Variants in TTBK2 observed in about 807,000 individuals in gnomAD.
The protein encoded by TTBK2 is tau tubulin kinase 2, also known as tau-tubulin kinase 2.
A neutral mutation model predicts 110.8 loss-of-function variants in TTBK2; 28 were observed. The ratio of observed to expected loss-of-function variants is 0.25; its 90% confidence interval spans 0.19 to 0.35. The LOEUF (loss-of-function observed/expected upper bound fraction) is 0.35, where lower values mean the gene tolerates loss of function less well. Among genes scored for constraint, TTBK2 ranks in the 10% least tolerant of loss-of-function variants. The pLI is 1.00. For missense variants in TTBK2, 1,369 were observed against 1,500.3 expected (o/e 0.91, Z 1.45); for synonymous variants, 532 against 527.3 (o/e 1.01, Z -0.12).
intron 9 of TTBK2, among the ~76,000 whole-genome samples, chr15:42,800,748 A>G: frequency 6.7e-6 from 1 of 149,132 alleles, no homozygotes; most frequent in African/African-American, 2.5e-5. Context: ...GAGCTAGCCG[A>G]GGTTTATTTT....
chr15:42,822,922 A>C (rs1892365741), intron 6 of TTBK2, among the ~76,000 whole-genome samples: 6 of 152,244 alleles, frequency 3.9e-5, no homozygotes, highest in Admixed American at 3.9e-4. Context: ...AACTCCTAGG[A>C]GAATAAATCA....
intron 7 of TTBK2, among the ~76,000 whole-genome samples, chr15:42,815,092 T>C (rs1891884531): frequency 6.6e-6 from 1 of 152,214 alleles, no homozygotes; most frequent in African/African-American, 2.4e-5. Flanking sequence ...AATGTTGACA[T>C]AATTCTTTAA....
Position 42,775,547 on chromosome 15 carries a change from C to A in TTBK2, c.1586G>T (p.Gly529Val), listed in dbSNP as rs1378811467. The change falls in exon 13 of 15, where the codon GGT becomes GTT. Residue 529 changes from glycine (G) to valine (V), a missense_variant. By Grantham distance (109) the Gly-to-Val change is moderately radical. This residue lies in a region of TTBK2 where 1,097 missense variants were observed against 1,114.7 expected (regional missense o/e 0.98). Coordinates refer to ENST00000267890, the MANE Select transcript of TTBK2 (RefSeq NM_173500.4). ...AGCTATAAATCCATTGCTGCCACCA[C>A]CATCTGCCTGCTCAGGGGTGTTGGC... Reference protein sequence around the residue: ...ASANTPEQADGGGSNGFIAVN... With the variant: ...ASANTPEQADVGGSNGFIAVN... 4.3e-6 allele frequency: 7 copies of A among 1,614,076 alleles called. No individual in the cohort carries two copies. Among genetic ancestry groups the A allele is most frequent in the Non-Finnish European group, 5.9e-6 (7 of 1,180,046 alleles).
At chr15:42,907,010 C>A (rs1476753163) in intron 1 of TTBK2, among the ~76,000 whole-genome samples, 1 of 151,290 alleles carries the variant, frequency 6.6e-6, no homozygotes, top group Non-Finnish European at 1.5e-5. Flanking sequence ...CACAATGAGA[C>A]CCTGTCTCAT....
In TTBK2 at chr15:42,867,083, A is replaced by G. The variant is rs1021986056; in HGVS notation, c.217+5528T>C. ...CACGGTGAAACCCCGTCTCTACTAA[A>G]AATACAAAAAATTAGCCGGGCATGG... is the stretch of plus-strand genomic sequence containing the variant. On this transcript the variant is annotated intron_variant, in intron 3 of 14. Coordinates refer to ENST00000267890, the MANE Select transcript of TTBK2 (RefSeq NM_173500.4). Among the ~76,000 whole-genome samples, 5 of 152,052 alleles carry G rather than the reference A, an allele frequency of 3.3e-5. No homozygotes were observed. In the South Asian group the frequency reaches 1.0e-3, roughly 31 times the overall value.
intron 9 of TTBK2, among the ~76,000 whole-genome samples, chr15:42,805,428 G>T (rs1375523849): frequency 6.6e-6 from 1 of 152,140 alleles, no homozygotes; most frequent in African/African-American, 2.4e-5. Context: ...TCTGAGTTGG[G>T]CTTTCAATTT....
chr15:42,777,202 C>G lies in TTBK2; in HGVS notation c.1238G>C (p.Gly413Ala). ...CCCAAGGCTTGGAGCATTGAGAAGACCATTTGCCTGGCCATGGCTGTTCTC... is the reference window on the plus strand; with the variant it reads ...CCCAAGGCTTGGAGCATTGAGAAGAGCATTTGCCTGGCCATGGCTGTTCTC... ...EEENSHGQANGLLNAPSLGSP... is the reference protein window; with the variant it reads ...EEENSHGQANALLNAPSLGSP... The change falls in exon 12 of 15, where the codon GGT (glycine) becomes GCT (alanine). Residue 413 changes from glycine (G) to alanine (A), a missense_variant. By Grantham distance (60) the Gly-to-Ala change is moderately conservative (BLOSUM62 0). Coordinates refer to ENST00000267890, the MANE Select transcript of TTBK2 (RefSeq NM_173500.4). The G allele has an allele frequency of 6.2e-7, 1 of 1,614,166 alleles. No individual in the cohort carries two copies. The highest frequency in any genetic ancestry group is 8.5e-7 in the Non-Finnish European group (1 of 1,180,038).
chr15:42,861,596 G>T (rs566808468), intron 3 of TTBK2, among the ~76,000 whole-genome samples: 1 of 151,980 alleles, frequency 6.6e-6, no homozygotes, highest in African/African-American at 2.4e-5. Flanking sequence ...TTAAAGCAAT[G>T]TTAAGAGGAA....
In TTBK2 at chr15:42,871,470, T is replaced by C. The variant is rs565078267; in HGVS notation, c.217+1141A>G. The C allele has an allele frequency of 5.1e-5, 50 of 985,150 alleles. No individual in the cohort carries two copies. In the African/African-American group the frequency reaches 7.2e-4, roughly 14 times the overall value. 61.0% of individuals were successfully genotyped at this position (985,150 alleles called of 1,614,324 possible). A position where few individuals can be genotyped will look rare whatever the true frequency, so the allele number is the denominator to read the frequency against. ...CTGGAAGCATCTCCTTGGAGCCAAGTAGGAGAAAGGTGAAGTGGCACTATC... is the reference window on the plus strand; with the variant it reads ...CTGGAAGCATCTCCTTGGAGCCAAGCAGGAGAAAGGTGAAGTGGCACTATC... On this transcript the variant is annotated intron_variant, in intron 3 of 14. Transcript: ENST00000267890.
At chr15:42,919,383 T>C (rs1184133593) in intron 1 of TTBK2, among the ~76,000 whole-genome samples, 4 of 152,236 alleles carry the variant, frequency 2.6e-5, no homozygotes, top group Admixed American at 2.6e-4. Context: ...CTTTATTCTA[T>C]TCCATTTAGC....
chr15:42,883,095 T>C (rs1167726368), intron 1 of TTBK2, among the ~76,000 whole-genome samples: 2 of 151,652 alleles, frequency 1.3e-5, no homozygotes, highest in African/African-American at 4.8e-5. Context: ...AAAAAAAAGG[T>C]AGAGGGCTGG....
intron 10 of TTBK2, 52 bp downstream of exon 10, chr15:42,794,592 A>G (rs1890849401): frequency 1.2e-6 from 2 of 1,613,808 alleles, no homozygotes; most frequent in Non-Finnish European, 1.7e-6. Flanking sequence ...AAATTTTTGC[A>G]AATATAATAC....
intron 1 of TTBK2, among the ~76,000 whole-genome samples, chr15:42,900,987 T>C (rs972009334): frequency 2.6e-5 from 4 of 152,136 alleles, no homozygotes; most frequent in African/African-American, 9.7e-5. Context: ...AGAAAAAAGA[T>C]GGACTCCTAC....
chr15:42,820,717 C>T (rs779002287), intron 6 of TTBK2, among the ~76,000 whole-genome samples: 14 of 151,650 alleles, frequency 9.2e-5, no homozygotes, highest in African/African-American at 1.9e-4. Flanking sequence ...AAAAAGGGGT[C>T]GGGCCAGGCA....
intron 3 of TTBK2, among the ~76,000 whole-genome samples, chr15:42,847,382 T>C (rs558185398): frequency 5.5e-4 from 84 of 152,384 alleles, no homozygotes; most frequent in Admixed American, 1.9e-3. Context: ...ACTTGTCTTT[T>C]CATTCTCTTC....
rs982846653 is a variant in TTBK2, at chr15:42,744,235, G to A, written c.*1560C>T. On this transcript the variant is annotated 3_prime_UTR_variant, in exon 15 of 15. Transcript: ENST00000267890. ...TGTTTTGAGTTTGTTTTTTTAAAAA[G>A]CTCAACACAGATAAAGAGAACAAGA... 1 of 152,138 alleles carries A rather than the reference G, an allele frequency of 6.6e-6. No homozygotes were observed. The highest frequency in any genetic ancestry group is 1.5e-5 in the Non-Finnish European group (1 of 68,016). The allele number at this position is 152,138 out of a possible 1,614,324, so 9.4% of individuals were successfully genotyped here.
chr15:42,790,751 A>G (rs1023498841), intron 10 of TTBK2, among the ~76,000 whole-genome samples: 17 of 151,368 alleles, frequency 1.1e-4, no homozygotes, highest in Non-Finnish European at 2.4e-4. Flanking sequence ...CCAGGCTGGA[A>G]TGCAGTGGCA....
intron 3 of TTBK2, among the ~76,000 whole-genome samples, chr15:42,861,105 T>C (rs1894139156): frequency 1.3e-5 from 2 of 152,214 alleles, no homozygotes; most frequent in South Asian, 4.1e-4. Context: ...TCCAAATTCA[T>C]AAAACAAGTT....
At chr15:42,809,821 T>C (rs1186337232) in intron 9 of TTBK2, among the ~76,000 whole-genome samples, 1 of 152,218 alleles carries the variant, frequency 6.6e-6, no homozygotes, top group Non-Finnish European at 1.5e-5. Flanking sequence ...GAGCAATAAT[T>C]ACTATATGCA....
Sources: gnomAD v4.1 joint callset for allele counts (sites outside exome capture counted in the v4.1 genomes callset) on GRCh38, gnomAD v4.1.1 for gene constraint, gnomAD v4.1.1 regional missense constraint, MANE v1.5 for transcripts, NCBI Gene and HGNC (gene_info 2026-07-23, HGNC 2026-07-21) for gene names.